SHC3: variants seen among roughly 807,000 people sequenced by gnomAD.
SHC3 encodes the protein SHC-transforming protein 3.
SHC3 carries 15 observed loss-of-function variants against 60.4 expected under a neutral mutation model. That is an observed-to-expected ratio of 0.25 (90% CI 0.17 to 0.38). SHC3 has a LOEUF of 0.38. Among genes scored for constraint, SHC3 ranks in the 10% least tolerant of loss-of-function variants. The probability of loss-of-function intolerance (pLI) is 1.00; values close to 1 mark genes in which losing one functional copy is unlikely to be tolerated. For synonymous variants in SHC3, 294 were observed against 325.9 expected (o/e 0.90, Z 1.05); for missense variants, 677 against 786.1 (o/e 0.86, Z 1.66).
At position 89,037,636 on chromosome 9, in the gene SHC3, C is replaced by G. The variant is rs965093207; in HGVS notation, c.1656+357G>C. 7.5e-6 allele frequency: 5 copies of G among 669,126 alleles called. No individual in the cohort carries two copies. In the African/African-American group the frequency reaches 9.1e-5, roughly 12 times the overall value. The allele number at this position is 669,126 out of a possible 1,614,324, so 41.4% of individuals were successfully genotyped here. A position where few individuals can be genotyped will look rare whatever the true frequency, so the allele number is the denominator to read the frequency against. On this transcript the variant is annotated intron_variant, in intron 11 of 11. Coordinates refer to ENST00000375835, the MANE Select transcript of SHC3 (RefSeq NM_016848.6). Reference sequence around the variant, plus strand: ...GATTCAACTTTTCGAGATAAGCATTCAAGATAAATATTAAAAGCCTAGGAG... The same window carrying G: ...GATTCAACTTTTCGAGATAAGCATTGAAGATAAATATTAAAAGCCTAGGAG...
At chr9:89,072,273 G>T (rs751437344) in intron 4 of SHC3, among the ~76,000 whole-genome samples, 12 of 152,150 alleles carry the variant, frequency 7.9e-5, no homozygotes, top group Non-Finnish European at 1.6e-4. Flanking sequence ...GCTTATGACA[G>T]GGAGGCCCAC....
intron 1 of SHC3, among the ~76,000 whole-genome samples, chr9:89,174,693 C>A (rs894950134): frequency 2.0e-5 from 3 of 152,192 alleles, no homozygotes; most frequent in Non-Finnish European, 4.4e-5. Context: ...CTTTTGGGGA[C>A]CACGCTGGGG....
chr9:89,123,333 G>A (rs1826118333), intron 1 of SHC3, among the ~76,000 whole-genome samples: 1 of 152,174 alleles, frequency 6.6e-6, no homozygotes, highest in Admixed American at 6.5e-5. Context: ...GGTGTGATCA[G>A]AATTGCTCAC....
intron 1 of SHC3, among the ~76,000 whole-genome samples, chr9:89,160,139 C>A (rs1157846295): frequency 6.6e-6 from 1 of 152,224 alleles, no homozygotes; most frequent in African/African-American, 2.4e-5. Flanking sequence ...ATGTTACAGA[C>A]AAATGACAGC....
intron 1 of SHC3, among the ~76,000 whole-genome samples, chr9:89,152,406 T>C (rs1826557944): frequency 6.6e-6 from 1 of 152,254 alleles, no homozygotes; most frequent in Non-Finnish European, 1.5e-5. Context: ...TGCTCCAGAA[T>C]ATTTACGTTT....
At chr9:89,094,756 C>T (rs745837220) in intron 2 of SHC3, among the ~76,000 whole-genome samples, 23 of 152,046 alleles carry the variant, frequency 1.5e-4, no homozygotes, top group Non-Finnish European at 2.2e-4. Context: ...CAGTTTGGGA[C>T]GCCTGGCATT....
intron 2 of SHC3, among the ~76,000 whole-genome samples, chr9:89,100,289 C>T (rs376236914): frequency 1.5e-4 from 23 of 152,248 alleles, no homozygotes; most frequent in Non-Finnish European, 2.2e-4. Flanking sequence ...GCTTGCAGAA[C>T]GGGTATCATT....
At chr9:89,171,171 T>G (rs1250432631) in intron 1 of SHC3, among the ~76,000 whole-genome samples, 1 of 152,166 alleles carries the variant, frequency 6.6e-6, no homozygotes, top group African/African-American at 2.4e-5. Flanking sequence ...GAGTATACAG[T>G]ACCTCTGCTA....
intron 1 of SHC3, among the ~76,000 whole-genome samples, chr9:89,168,531 A>C (rs1282991051): frequency 6.6e-6 from 1 of 152,164 alleles, no homozygotes; most frequent in East Asian, 1.9e-4. Context: ...TCTTTCAGGC[A>C]AGTTTATTTG....
At chr9:89,037,376 C>T (rs573580457) in intron 11 of SHC3, 31 of 618,674 alleles carry the variant, frequency 5.0e-5, no homozygotes, top group Non-Finnish European at 7.6e-5. Flanking sequence ...GATTTAACTG[C>T]ATTTATTAAA....
At chr9:89,066,076 T>G in intron 5 of SHC3, among the ~76,000 whole-genome samples, 1 of 152,190 alleles carries the variant, frequency 6.6e-6, no homozygotes, top group East Asian at 1.9e-4. Context: ...TAAGAACCAC[T>G]GCTCTCAGCT....
chr9:89,034,235 A>ACTGGGT (rs1231230099), intron 11 of SHC3, among the ~76,000 whole-genome samples: 1 of 152,254 alleles, frequency 6.6e-6, no homozygotes, highest in African/African-American at 2.4e-5. Flanking sequence ...CCATGAGAGC[A>ACTGGGT]GAGATTTTCT....
At chr9:89,072,836 G>A (rs1039659005) in intron 4 of SHC3, among the ~76,000 whole-genome samples, 7 of 152,104 alleles carry the variant, frequency 4.6e-5, no homozygotes, top group Non-Finnish European at 1.0e-4. Flanking sequence ...ACATCCCAGG[G>A]ATTTGTCCAA....
rs68051828 is a variant in SHC3, at chr9:89,074,691, C to CAA, written c.729+416_729+417dup. On this transcript the variant is annotated intron_variant, in intron 4 of 11. Coordinates refer to ENST00000375835, the MANE Select transcript of SHC3 (RefSeq NM_016848.6). ...GCTCCAAAACAATGAGCCACTAAAG[C>CAA]AAAAAAAAAAAAAAAAAAAAAAAAA... Among the ~76,000 whole-genome samples, 47 of 59,930 alleles carry CAA rather than the reference C, an allele frequency of 7.8e-4. 2 individuals are homozygous for CAA. The highest frequency in any genetic ancestry group is 1.1e-3 in the Non-Finnish European group (37 of 34,652). 39.3% of individuals were successfully genotyped at this position (59,930 alleles called of 152,430 possible).
intron 11 of SHC3, among the ~76,000 whole-genome samples, chr9:89,019,814 G>A (rs1247512422): frequency 6.6e-6 from 1 of 152,148 alleles, no homozygotes; most frequent in African/African-American, 2.4e-5. Context: ...TATTGTCAAG[G>A]TGTCAGTTCT....
Position 89,052,127 on chromosome 9 carries a change from T to C in SHC3, c.872A>G (p.Gln291Arg), listed in dbSNP as rs768496530. The C allele has an allele frequency of 1.1e-5, 17 of 1,614,078 alleles. 2 individuals carry two copies. Among genetic ancestry groups the C allele is most frequent in the Middle Eastern group, 1.6e-4 (1 of 6,062 alleles). ...TTGTCCGATGGAGCCGATGACATCC[T>C]GGGCCAGCCCATCACAGCATTCCAA... ...HILECCDGLA[Q>R]DVIGSIGQAF... The change falls in exon 7 of 12, where the codon CAG (glutamine) becomes CGG (arginine). Residue 291 changes from glutamine to arginine, a missense_variant. Physicochemically the swap from Gln to Arg is conservative, Grantham distance 43. Coordinates refer to ENST00000375835, the MANE Select transcript of SHC3 (RefSeq NM_016848.6).
intron 5 of SHC3, among the ~76,000 whole-genome samples, chr9:89,067,900 G>A (rs148189393): frequency 6.6e-6 from 1 of 152,228 alleles, no homozygotes; most frequent in Non-Finnish European, 1.5e-5. Context: ...ATTTGTTTTT[G>A]CACATATTCA....
intron 2 of SHC3, among the ~76,000 whole-genome samples, chr9:89,079,777 T>C (rs896419047): frequency 1.3e-5 from 2 of 152,212 alleles, no homozygotes; most frequent in Admixed American, 1.3e-4. Flanking sequence ...CAGGGCACAT[T>C]CGCAGATAGA....
At chr9:89,177,188 C>G (rs929164678) in intron 1 of SHC3, among the ~76,000 whole-genome samples, 16 of 152,144 alleles carry the variant, frequency 1.1e-4, no homozygotes, top group African/African-American at 3.9e-4. Flanking sequence ...GAGCATTTTT[C>G]CTTAAATATC....
Sources: gnomAD v4.1 joint callset for allele counts (sites outside exome capture counted in the v4.1 genomes callset) on GRCh38, gnomAD v4.1.1 for gene constraint, MANE v1.5 for transcripts, NCBI Gene and HGNC (gene_info 2026-07-23, HGNC 2026-07-21) for gene names.